Variants in EDIL3 observed in about 807,000 individuals in gnomAD.
EDIL3 encodes EGF like and discoidin domains 3.
In EDIL3, 37 loss-of-function variants were observed where a neutral mutation model predicts 67.4. The observed-to-expected ratio is 0.55, with a 90% confidence interval of 0.42 to 0.72. EDIL3 has a LOEUF of 0.72. Ranked by LOEUF, EDIL3 falls within the 30% of genes least tolerant of loss-of-function variation. The pLI, the probability that EDIL3 is intolerant of heterozygous loss-of-function variation, is 0.00. For synonymous variants in EDIL3, 195 were observed against 196.3 expected (o/e 0.99, Z 0.05); for missense variants, 527 against 586.3 (o/e 0.90, Z 1.04).
intron 1 of EDIL3, among the ~76,000 whole-genome samples, chr5:84,337,765 T>C (rs1747019736): frequency 6.6e-6 from 1 of 152,176 alleles, no homozygotes; most frequent in Non-Finnish European, 1.5e-5. Flanking sequence ...AAGTGATTTC[T>C]TCTATAATGG....
intron 9 of EDIL3, among the ~76,000 whole-genome samples, chr5:84,020,932 TA>T (rs1412928133): frequency 6.6e-6 from 1 of 152,042 alleles, no homozygotes; most frequent in African/African-American, 2.4e-5. Flanking sequence ...TCAAAAGAAG[TA>T]AAAGTAAGTC....
intron 5 of EDIL3, among the ~76,000 whole-genome samples, chr5:84,115,709 G>A (rs1747651962): frequency 6.6e-6 from 1 of 152,194 alleles, no homozygotes; most frequent in Non-Finnish European, 1.5e-5. Context: ...ATGGATTGAT[G>A]AAACATTTGT....
intron 1 of EDIL3, among the ~76,000 whole-genome samples, chr5:84,288,650 T>C (rs557545397): frequency 6.6e-6 from 1 of 152,230 alleles, no homozygotes; most frequent in South Asian, 2.1e-4. Context: ...GGAATGCTTT[T>C]GCTCCAAGCA....
intron 1 of EDIL3, among the ~76,000 whole-genome samples, chr5:84,284,660 A>AAC (rs1169643726): frequency 5.9e-5 from 9 of 152,168 alleles, no homozygotes; most frequent in African/African-American, 2.2e-4. Flanking sequence ...TGCTTGAAAT[A>AAC]ATGATAATGT....
rs1313989788 is a variant in EDIL3, at chr5:83,943,575, A to G, written c.1294-7T>C. 1 of 1,611,556 alleles carries G rather than the reference A, an allele frequency of 6.2e-7. No individual in the cohort carries two copies. Among genetic ancestry groups the G allele is most frequent in the South Asian group, 1.1e-5 (1 of 90,970 alleles). On this transcript the variant is annotated splice_region_variant and splice_polypyrimidine_tract_variant and intron_variant, in intron 10 of 10. Coordinates refer to ENST00000296591, the MANE Select transcript of EDIL3 (RefSeq NM_005711.5). ...CAAAATTTCCCTGGAAAACCTAATA[A>G]AGAAGAGCAGAAAAATGTCAGTCAC...
intron 1 of EDIL3, among the ~76,000 whole-genome samples, chr5:84,305,906 A>G (rs150101583): frequency 2.1e-3 from 178 of 84,720 alleles, no homozygotes; most frequent in South Asian, 9.8e-3. Flanking sequence ...TAAATAAATA[A>G]ATAAATAAAT....
At chr5:84,139,956 G>C (rs1464886911) in intron 4 of EDIL3, among the ~76,000 whole-genome samples, 2 of 152,124 alleles carry the variant, frequency 1.3e-5, no homozygotes, top group Non-Finnish European at 2.9e-5. Flanking sequence ...ATGAAGGAGA[G>C]TGCTAGAATC....
intron 1 of EDIL3, among the ~76,000 whole-genome samples, chr5:84,352,772 A>G (rs569251648): frequency 1.1e-4 from 16 of 152,318 alleles, no homozygotes; most frequent in Admixed American, 2.0e-4. Context: ...AACTGCACTT[A>G]TAGCCCTAAA....
At chr5:83,979,179 T>G (rs1744923743) in intron 9 of EDIL3, among the ~76,000 whole-genome samples, 1 of 152,080 alleles carries the variant, frequency 6.6e-6, no homozygotes, top group South Asian at 2.1e-4. Flanking sequence ...AGAAGTTTCA[T>G]TAGTAATCAC....
At chr5:84,024,528 C>A (rs1205419207) in intron 9 of EDIL3, among the ~76,000 whole-genome samples, 1 of 152,092 alleles carries the variant, frequency 6.6e-6, no homozygotes, top group African/African-American at 2.4e-5. Context: ...GTCCTGTTGT[C>A]ATTGACCCCA....
intron 1 of EDIL3, among the ~76,000 whole-genome samples, chr5:84,261,358 T>G (rs934546766): frequency 3.9e-5 from 6 of 152,280 alleles, no homozygotes; most frequent in Non-Finnish European, 7.4e-5. Flanking sequence ...TTGTGCCTCT[T>G]TAGAGACCAT....
chr5:84,157,180 T>C (rs1178986614), intron 4 of EDIL3, among the ~76,000 whole-genome samples: 2 of 152,122 alleles, frequency 1.3e-5, no homozygotes, highest in Non-Finnish European at 2.9e-5. Flanking sequence ...TTTGGTTTTC[T>C]CTTTAAAAAG....
chr5:84,347,417 G>C (rs766229882), intron 1 of EDIL3, among the ~76,000 whole-genome samples: 4 of 152,114 alleles, frequency 2.6e-5, no homozygotes, highest in Non-Finnish European at 5.9e-5. Context: ...AGCAAATTTT[G>C]CTTTTAATTT....
intron 9 of EDIL3, among the ~76,000 whole-genome samples, chr5:84,052,695 A>G (rs1746364636): frequency 6.6e-6 from 1 of 152,224 alleles, no homozygotes; most frequent in African/African-American, 2.4e-5. Flanking sequence ...ACCAACAAAG[A>G]GCAAAAGAGA....
intron 3 of EDIL3, among the ~76,000 whole-genome samples, chr5:84,186,733 A>G (rs1452482512): frequency 6.6e-6 from 1 of 152,080 alleles, no homozygotes; most frequent in Non-Finnish European, 1.5e-5. Context: ...ACACACGCAC[A>G]CATACAAGCA....
At chr5:84,171,436 T>C (rs901091314) in intron 4 of EDIL3, among the ~76,000 whole-genome samples, 15 of 152,150 alleles carry the variant, frequency 9.9e-5, no homozygotes, top group African/African-American at 3.4e-4. Flanking sequence ...AAAATAAAAA[T>C]GCCTTGGAAC....
intron 10 of EDIL3, among the ~76,000 whole-genome samples, chr5:83,961,548 CCTAAA>C (rs1201651480): frequency 4.6e-5 from 7 of 151,108 alleles, no homozygotes; most frequent in South Asian, 2.1e-4. Context: ...ATGCTTCTTC[CCTAAA>C]CTAATCTATA....
At chr5:83,956,217 A>AC (rs1282893798) in intron 10 of EDIL3, among the ~76,000 whole-genome samples, 1 of 151,392 alleles carries the variant, frequency 6.6e-6, no homozygotes, top group Non-Finnish European at 1.5e-5. Flanking sequence ...CTGCTCTTAA[A>AC]CCCTTCTTTA....
intron 9 of EDIL3, among the ~76,000 whole-genome samples, chr5:84,024,250 A>C (rs1745773974): frequency 6.6e-6 from 1 of 152,178 alleles, no homozygotes. Flanking sequence ...ATTAAATTTC[A>C]ATCACTTTTT....
Sources: gnomAD v4.1 joint callset for allele counts (sites outside exome capture counted in the v4.1 genomes callset) on GRCh38, gnomAD v4.1.1 for gene constraint, MANE v1.5 for transcripts, NCBI Gene and HGNC (gene_info 2026-07-23, HGNC 2026-07-21) for gene names.